Variants in CSMD3 observed in about 807,000 individuals in gnomAD.
The protein encoded by CSMD3 is CUB and sushi domain-containing protein 3.
Under a neutral mutation model 435.2 loss-of-function variants are expected in CSMD3, and 177 were observed. The ratio of observed to expected loss-of-function variants is 0.41; its 90% CI spans 0.36 to 0.46. CSMD3 has a LOEUF of 0.46. CSMD3 is among the 20% of genes least tolerant of loss of function. CSMD3 has a pLI of 0.34. For synonymous variants in CSMD3, 1,656 were observed against 1,520.5 expected (o/e 1.09, Z -2.07); for missense variants, 4,265 against 4,504.6 (o/e 0.95, Z 1.52).
chr8:113,392,057 A>C (rs1722788299), intron 1 of CSMD3, among the ~76,000 whole-genome samples: 1 of 152,040 alleles, frequency 6.6e-6, no homozygotes, highest in Non-Finnish European at 1.5e-5. Flanking sequence ...CACATGCTTA[A>C]TGATTGACAA....
At chr8:112,870,444 ATT>A (rs555225164) in intron 10 of CSMD3, among the ~76,000 whole-genome samples, 137 of 142,214 alleles carry the variant, frequency 9.6e-4, no homozygotes, top group East Asian at 7.6e-3. Flanking sequence ...AATTTTTTGC[ATT>A]TTTTTTTTTT....
intron 4 of CSMD3, among the ~76,000 whole-genome samples, chr8:113,118,592 G>C (rs1352454042): frequency 1.3e-5 from 2 of 148,236 alleles, no homozygotes; most frequent in African/African-American, 5.3e-5. Context: ...AGCCCAGTAG[G>C]TCGAGGTTGC....
chr8:113,199,652 G>GC (rs1279956823), intron 3 of CSMD3, among the ~76,000 whole-genome samples: 2 of 151,520 alleles, frequency 1.3e-5, no homozygotes, highest in African/African-American at 4.8e-5. Context: ...GAAAATAGAG[G>GC]CCCAAAGACA....
At chr8:113,316,769 C>T (rs1487235963) in intron 1 of CSMD3, among the ~76,000 whole-genome samples, 3 of 150,590 alleles carry the variant, frequency 2.0e-5, no homozygotes, top group South Asian at 2.1e-4. Flanking sequence ...AGGCTGATTT[C>T]GAACTACTGA....
At chr8:113,401,417 A>T (rs1243562428) in intron 1 of CSMD3, among the ~76,000 whole-genome samples, 1 of 151,640 alleles carries the variant, frequency 6.6e-6, no homozygotes, top group Non-Finnish European at 1.5e-5. Context: ...ATAGTCATTG[A>T]TGATAAAATT....
At chr8:112,521,363 G>A (rs1294262440) in intron 27 of CSMD3, among the ~76,000 whole-genome samples, 2 of 151,690 alleles carry the variant, frequency 1.3e-5, no homozygotes, top group Non-Finnish European at 3.0e-5. Context: ...AACTTTTATG[G>A]TTTCTTTCAA....
chr8:112,268,171 T>C (rs1294325205), intron 59 of CSMD3, among the ~76,000 whole-genome samples: 1 of 152,180 alleles, frequency 6.6e-6, no homozygotes, highest in Non-Finnish European at 1.5e-5. Context: ...GAGTCTCATC[T>C]AGTGTATGAC....
intron 8 of CSMD3, among the ~76,000 whole-genome samples, chr8:112,949,302 A>G (rs2130805334): frequency 6.6e-6 from 1 of 152,180 alleles, no homozygotes; most frequent in East Asian, 1.9e-4. Flanking sequence ...TAGTATTACC[A>G]ACCATATCCT....
chr8:112,970,412 A>G (rs965707520), intron 7 of CSMD3, among the ~76,000 whole-genome samples: 21 of 150,728 alleles, frequency 1.4e-4, no homozygotes, highest in Middle Eastern at 3.4e-3. Context: ...AAAAAAAAAA[A>G]AAAAGAAAAG....
chr8:112,502,474 A>G (rs1461027314), intron 30 of CSMD3, among the ~76,000 whole-genome samples: 1 of 152,174 alleles, frequency 6.6e-6, no homozygotes, highest in Non-Finnish European at 1.5e-5. Flanking sequence ...ATACAGTTCC[A>G]AGTGATGACA....
chr8:112,368,915 G>C (rs901088145), intron 38 of CSMD3, among the ~76,000 whole-genome samples: 1 of 152,060 alleles, frequency 6.6e-6, no homozygotes, highest in African/African-American at 2.4e-5. Context: ...ATTTAGCAAT[G>C]TGCTTGACAT....
intron 7 of CSMD3, among the ~76,000 whole-genome samples, chr8:112,960,568 A>T (rs1315387755): frequency 1.3e-5 from 2 of 151,812 alleles, no homozygotes; most frequent in African/African-American, 4.8e-5. Flanking sequence ...TTTGTGAAAA[A>T]TATTTCATTT....
At chr8:112,958,087 T>C (rs964345716) in intron 7 of CSMD3, among the ~76,000 whole-genome samples, 1 of 152,176 alleles carries the variant, frequency 6.6e-6, no homozygotes, top group African/African-American at 2.4e-5. Flanking sequence ...AAAGGTATTT[T>C]GTTGGGAGAA....
intron 13 of CSMD3, among the ~76,000 whole-genome samples, chr8:112,711,652 T>G (rs1471030301): frequency 6.6e-6 from 1 of 152,290 alleles, no homozygotes; most frequent in African/African-American, 2.4e-5. Flanking sequence ...AAAATAGTAT[T>G]CTGGATTTGT....
intron 4 of CSMD3, among the ~76,000 whole-genome samples, chr8:113,132,340 A>C (rs781088489): frequency 6.6e-6 from 1 of 151,980 alleles, no homozygotes; most frequent in Non-Finnish European, 1.5e-5. Context: ...ATATGGTTTG[A>C]ATTTGTGTCC....
chr8:113,389,129 A>C (rs1396421134), intron 1 of CSMD3, among the ~76,000 whole-genome samples: 3 of 151,634 alleles, frequency 2.0e-5, no homozygotes, highest in Non-Finnish European at 4.4e-5. Flanking sequence ...GTATGATGAA[A>C]ATCTACTCAC....
chr8:112,809,692 T>C (rs2079174713), intron 12 of CSMD3, among the ~76,000 whole-genome samples: 1 of 152,176 alleles, frequency 6.6e-6, no homozygotes, highest in African/African-American at 2.4e-5. Context: ...AAGATGGGCT[T>C]AATGTTCCAG....
At chr8:112,452,205 A>G (rs1816360630) in intron 32 of CSMD3, among the ~76,000 whole-genome samples, 2 of 152,230 alleles carry the variant, frequency 1.3e-5, no homozygotes, top group African/African-American at 4.8e-5. Context: ...CAGAATAGTT[A>G]TAAAACAACC....
intron 19 of CSMD3, among the ~76,000 whole-genome samples, chr8:112,646,384 T>TTG (rs1563807325): frequency 2.0e-5 from 3 of 151,408 alleles, no homozygotes; most frequent in South Asian, 2.1e-4. Context: ...ATCTGTGTGT[T>TTG]TGTGTGTGTG....
Sources: gnomAD v4.1 joint callset for allele counts (sites outside exome capture counted in the v4.1 genomes callset) on GRCh38, gnomAD v4.1.1 for gene constraint, MANE v1.5 for transcripts, NCBI Gene and HGNC (gene_info 2026-07-23, HGNC 2026-07-21) for gene names.